XKR4: variants seen among roughly 807,000 people sequenced by gnomAD.
XKR4 encodes the protein XK related 4, also known as XK-related protein 4.
A neutral mutation model predicts 53.9 loss-of-function variants in XKR4; 12 were observed. The observed-to-expected ratio is 0.22, with a 90% CI of 0.14 to 0.36. XKR4 has a LOEUF of 0.36. Among genes scored for constraint, XKR4 ranks in the 10% least tolerant of loss-of-function variants. The pLI is 1.00. For synonymous variants in XKR4, 354 were observed against 362.4 expected, an observed-to-expected ratio of 0.98 and a Z score of 0.26; for missense variants, 799 against 859.5, an observed-to-expected ratio of 0.93 and a Z score of 0.88.
intron 1 of XKR4, among the ~76,000 whole-genome samples, chr8:55,287,872 C>A (rs1482388893): frequency 6.6e-6 from 1 of 152,132 alleles, no homozygotes; most frequent in Non-Finnish European, 1.5e-5. Context: ...TGCTGCCTAC[C>A]CTAGTTAGCA....
chr8:55,446,490 C>T (rs1196656305), intron 2 of XKR4, among the ~76,000 whole-genome samples: 3 of 152,030 alleles, frequency 2.0e-5, no homozygotes, highest in South Asian at 2.1e-4. Context: ...TACAGGTGCA[C>T]GCCACCAGTC....
At chr8:55,371,565 A>T (rs1226443341) in intron 2 of XKR4, among the ~76,000 whole-genome samples, 1 of 152,232 alleles carries the variant, frequency 6.6e-6, no homozygotes, top group Non-Finnish European at 1.5e-5. Context: ...CTTAATCAAT[A>T]CATTTATGGA....
chr8:55,277,491 A>G (rs1278133369), intron 1 of XKR4, among the ~76,000 whole-genome samples: 3 of 152,234 alleles, frequency 2.0e-5, no homozygotes, highest in Admixed American at 1.3e-4. Flanking sequence ...ACTCAAGTCT[A>G]AGCATGAAAT....
chr8:55,452,289 C>A, intron 2 of XKR4: 1 of 651,248 alleles, frequency 1.5e-6, no homozygotes, highest in Non-Finnish European at 2.8e-6. Flanking sequence ...GATGCTGATG[C>A]ATTTCTCCTT....
Position 55,528,417 on chromosome 8 carries a change from T to C in XKR4, c.*4190T>C, listed in dbSNP as rs1806905636. 2.0e-5 allele frequency: 3 copies of C among 152,256 alleles called. No homozygotes were observed. The highest frequency in any genetic ancestry group is 1.3e-4 in the Admixed American group (2 of 15,280). The allele number at this position is 152,256 out of a possible 1,614,324, so 9.4% of individuals were successfully genotyped here. On this transcript the variant is annotated 3_prime_UTR_variant, in exon 3 of 3. Coordinates refer to ENST00000327381, the MANE Select transcript of XKR4 (RefSeq NM_052898.2). ...CACATTTGCTTTTAAATATACCAAA[T>C]GCCGTTGATTGGAAACAAGTTCTGA...
intron 1 of XKR4, among the ~76,000 whole-genome samples, chr8:55,313,361 T>A (rs762320994): frequency 6.6e-6 from 1 of 152,158 alleles, no homozygotes; most frequent in Non-Finnish European, 1.5e-5. Flanking sequence ...ATGGGTGAAA[T>A]GAAGGGAGTG....
At chr8:55,205,988 G>A (rs1464057817) in intron 1 of XKR4, among the ~76,000 whole-genome samples, 1 of 152,178 alleles carries the variant, frequency 6.6e-6, no homozygotes, top group Non-Finnish European at 1.5e-5. Context: ...ACAGACCTTT[G>A]CAGTGAGTGT....
intron 2 of XKR4, among the ~76,000 whole-genome samples, chr8:55,404,636 T>G (rs960970869): frequency 2.0e-5 from 3 of 152,226 alleles, no homozygotes; most frequent in African/African-American, 7.2e-5. Flanking sequence ...AAATAGTAAG[T>G]CCAACAGTTC....
intron 1 of XKR4, among the ~76,000 whole-genome samples, chr8:55,271,648 A>T (rs1818692653): frequency 6.6e-6 from 1 of 152,226 alleles, no homozygotes; most frequent in Admixed American, 6.5e-5. Flanking sequence ...ATGGCGGCTG[A>T]TGGCCAGGGG....
chr8:55,512,771 C>T (rs1175141548), intron 2 of XKR4, among the ~76,000 whole-genome samples: 3 of 152,166 alleles, frequency 2.0e-5, no homozygotes, highest in East Asian at 1.9e-4. Context: ...ACACAGCTAC[C>T]AATACACCCC....
intron 1 of XKR4, among the ~76,000 whole-genome samples, chr8:55,340,923 C>A (rs1348335888): frequency 6.6e-6 from 1 of 152,174 alleles, no homozygotes; most frequent in Admixed American, 6.5e-5. Flanking sequence ...ACCTGTGAAG[C>A]TGGACCTGAT....
chr8:55,179,250 T>C (rs999885424), intron 1 of XKR4, among the ~76,000 whole-genome samples: 2 of 151,986 alleles, frequency 1.3e-5, no homozygotes, highest in Non-Finnish European at 2.9e-5. Context: ...CTGAGATGGT[T>C]TAACTACAAC....
At chr8:55,461,154 C>G (rs961537825) in intron 2 of XKR4, among the ~76,000 whole-genome samples, 1 of 152,232 alleles carries the variant, frequency 6.6e-6, no homozygotes, top group African/African-American at 2.4e-5. Flanking sequence ...AGCTTGAGAT[C>G]TGAGAACGGG....
intron 1 of XKR4, among the ~76,000 whole-genome samples, chr8:55,149,038 C>G (rs1816806964): frequency 6.6e-6 from 1 of 150,454 alleles, no homozygotes; most frequent in African/African-American, 2.4e-5. Flanking sequence ...AACACATTTA[C>G]TTTTTTTTTT....
chr8:55,542,028 GAAAA>G lies in XKR4; in HGVS notation c.*17807_*17810del, dbSNP rs910574254. 6.8e-6 allele frequency: 1 copy of G among 146,730 alleles called. No homozygotes were observed. The highest frequency in any genetic ancestry group is 2.1e-4 in the South Asian group (1 of 4,694). 9.1% of individuals were successfully genotyped at this position (146,730 alleles called of 1,614,324 possible). A position where few individuals can be genotyped will look rare whatever the true frequency, so the allele number is the denominator to read the frequency against. On this transcript the variant is annotated 3_prime_UTR_variant, in exon 3 of 3. Transcript: ENST00000327381. ...CATGGTTTTTCTTGTAAAACTTAAA[GAAAA>G]AAAAAGAAAACTTGAAATTTTATAT...
chr8:55,438,782 A>G (rs1805222017), intron 2 of XKR4, among the ~76,000 whole-genome samples: 1 of 152,188 alleles, frequency 6.6e-6, no homozygotes, highest in South Asian at 2.1e-4. Context: ...ATATTGAGAC[A>G]TAGCTGAGTT....
intron 2 of XKR4, chr8:55,453,251 G>A (rs1025354779): frequency 1.8e-5 from 9 of 491,200 alleles, no homozygotes; most frequent in African/African-American, 7.9e-5. Context: ...CAGAGCAGCC[G>A]AGATGCCATG....
chr8:55,449,468 G>A, intron 2 of XKR4: 3 of 968,926 alleles, frequency 3.1e-6, no homozygotes, highest in Non-Finnish European at 4.8e-6. Flanking sequence ...CTAGTGGTCG[G>A]TAACGACTGG....
At position 55,529,258 on chromosome 8, in the gene XKR4, G is replaced by T. The variant is rs1335067236; in HGVS notation, c.*5031G>T. ...TTGCATTTATATATATATATTGCAG[G>T]CAGTGACCTGGCCCCCAAATGTAAA... is the stretch of plus-strand genomic sequence containing the variant. On this transcript the variant is annotated 3_prime_UTR_variant, in exon 3 of 3. Coordinates refer to ENST00000327381, the MANE Select transcript of XKR4 (RefSeq NM_052898.2). 6.6e-6 allele frequency: 1 copy of T among 151,930 alleles called. No individual in the cohort carries two copies. The highest frequency in any genetic ancestry group is 2.4e-5 in the African/African-American group (1 of 41,336). The allele number at this position is 151,930 out of a possible 1,614,324, so 9.4% of individuals were successfully genotyped here.
Sources: allele counts gnomAD v4.1 joint callset (sites outside exome capture counted in the v4.1 genomes callset), GRCh38; gene constraint gnomAD v4.1.1; transcripts MANE v1.5; gene names NCBI Gene and HGNC (gene_info 2026-07-23, HGNC 2026-07-21).